Variants in COMMD10 observed in about 807,000 individuals in gnomAD.
COMMD10 encodes the protein COMM domain containing 10.
A neutral mutation model predicts 28.9 loss-of-function variants in COMMD10; 33 were observed. That is an observed-to-expected ratio of 1.14 (90% CI 0.87 to 1.53). The LOEUF is 1.53. Ranked by LOEUF, COMMD10 falls within the 40% of genes most tolerant of loss-of-function variation. The pLI is 0.00. For synonymous variants in COMMD10, 110 were observed against 81.7 expected, an observed-to-expected ratio of 1.35 and a Z score of -1.87; for missense variants, 310 against 233.4, an observed-to-expected ratio of 1.33 and a Z score of -2.14.
At chr5:116,200,149 A>G (rs186059838) in intron 5 of COMMD10, among the ~76,000 whole-genome samples, 3 of 152,168 alleles carry the variant, frequency 2.0e-5, no homozygotes, top group Non-Finnish European at 2.9e-5. Flanking sequence ...TTATTTTAAA[A>G]TGCACAATTA....
At chr5:116,254,518 A>G (rs1291588683) in intron 5 of COMMD10, among the ~76,000 whole-genome samples, 1 of 151,076 alleles carries the variant, frequency 6.6e-6, no homozygotes, top group Non-Finnish European at 1.5e-5. Context: ...TGTTGGTTTC[A>G]AAGAACATCT....
chr5:116,093,346 G>A (rs776589489), intron 4 of COMMD10, among the ~76,000 whole-genome samples: 1 of 152,196 alleles, frequency 6.6e-6, no homozygotes, highest in Non-Finnish European at 1.5e-5. Flanking sequence ...CAGTAGAGAA[G>A]TGACCGGAAA....
intron 5 of COMMD10, among the ~76,000 whole-genome samples, chr5:116,275,045 C>T (rs376186988): frequency 1.3e-5 from 2 of 151,790 alleles, no homozygotes; most frequent in African/African-American, 2.4e-5. Context: ...ACCTCTATTT[C>T]ATCCCCAAGA....
intron 5 of COMMD10, among the ~76,000 whole-genome samples, chr5:116,193,083 G>C (rs898574953): frequency 3.3e-5 from 5 of 152,170 alleles, no homozygotes; most frequent in Non-Finnish European, 5.9e-5. Flanking sequence ...ATAAAGGAAA[G>C]ATAGTCTTTT....
chr5:116,251,794 C>T (rs1243015779), intron 5 of COMMD10, among the ~76,000 whole-genome samples: 6 of 151,376 alleles, frequency 4.0e-5, no homozygotes, highest in South Asian at 2.1e-4. Context: ...TTTATAGTCC[C>T]TTGGGTATAT....
At chr5:116,242,452 C>T (rs1326648553) in intron 5 of COMMD10, among the ~76,000 whole-genome samples, 1 of 152,164 alleles carries the variant, frequency 6.6e-6, no homozygotes, top group Non-Finnish European at 1.5e-5. Flanking sequence ...AGGAAATCCT[C>T]TCAGCAACCC....
chr5:116,120,241 G>C (rs1009597715), intron 4 of COMMD10, among the ~76,000 whole-genome samples: 1 of 152,268 alleles, frequency 6.6e-6, no homozygotes, highest in East Asian at 1.9e-4. Flanking sequence ...TCTAAATGAA[G>C]TAATTCAGGA....
intron 5 of COMMD10, among the ~76,000 whole-genome samples, chr5:116,278,740 A>G (rs961470744): frequency 6.6e-6 from 1 of 151,850 alleles, no homozygotes; most frequent in Non-Finnish European, 1.5e-5. Flanking sequence ...ATAAAACACA[A>G]AAGCATTTGC....
intron 4 of COMMD10, among the ~76,000 whole-genome samples, chr5:116,094,720 C>G (rs1015174468): frequency 2.6e-5 from 4 of 152,066 alleles, no homozygotes; most frequent in Admixed American, 6.6e-5. Context: ...TATTTGTACC[C>G]CTGTGTTTGT....
intron 5 of COMMD10, among the ~76,000 whole-genome samples, chr5:116,253,954 G>A (rs1012299630): frequency 6.6e-6 from 1 of 151,886 alleles, no homozygotes; most frequent in African/African-American, 2.4e-5. Context: ...GTAAGCTATT[G>A]ATTATTGCCA....
Position 116,107,629 on chromosome 5 carries a change from G to A in COMMD10, c.399+14929G>A, listed in dbSNP as rs142128108. Among the ~76,000 whole-genome samples the A allele has an allele frequency of 7.0e-3, 1,069 of 152,078 alleles. 12 individuals are homozygous for A. The highest frequency in any genetic ancestry group is 6.5e-3 in the Non-Finnish European group (441 of 68,006). On this transcript the variant is annotated intron_variant, in intron 4 of 6. Transcript: ENST00000274458. ...TTTCTTGCATTGGGTTAGAACATGC[G>A]CCTTTAGCTTGGAGGAGTTTGTTAT...
intron 5 of COMMD10, among the ~76,000 whole-genome samples, chr5:116,251,266 T>TTTTATTTATTTA (rs139799729): frequency 4.9e-4 from 68 of 138,172 alleles, no homozygotes; most frequent in African/African-American, 1.8e-3. Context: ...ACTCTTTTCT[T>TTTTATTTATTTA]TTTATTTATT....
At chr5:116,144,800 T>C (rs192699871) in intron 5 of COMMD10, among the ~76,000 whole-genome samples, 41 of 151,930 alleles carry the variant, frequency 2.7e-4, no homozygotes, top group Non-Finnish European at 4.7e-4. Flanking sequence ...AGAGTGGAAG[T>C]AGTGATACAG....
intron 5 of COMMD10, among the ~76,000 whole-genome samples, chr5:116,178,232 T>C (rs1747804808): frequency 6.6e-6 from 1 of 152,122 alleles, no homozygotes; most frequent in African/African-American, 2.4e-5. Context: ...CTTCTTTTAT[T>C]CTCATTAGTA....
Position 116,246,642 on chromosome 5 carries a change from C to T in COMMD10, c.511-44875C>T, listed in dbSNP as rs186808336. Among the ~76,000 whole-genome samples the T allele has an allele frequency of 4.3e-4, 66 of 152,090 alleles. 1 individual carries two copies. Among genetic ancestry groups the T allele is most frequent in the Admixed American group, 1.8e-3 (28 of 15,254 alleles). Reference sequence around the variant, plus strand: ...CATGGTATTAGTACAAAAAAAGACACATAGCCTAATGGAACAGAATAGAGA... The same window carrying T: ...CATGGTATTAGTACAAAAAAAGACATATAGCCTAATGGAACAGAATAGAGA... On this transcript the variant is annotated intron_variant, in intron 5 of 6. Coordinates refer to ENST00000274458, the MANE Select transcript of COMMD10 (RefSeq NM_016144.4).
chr5:116,286,873 T>C (rs1751232566), intron 5 of COMMD10, among the ~76,000 whole-genome samples: 1 of 151,808 alleles, frequency 6.6e-6, no homozygotes, highest in African/African-American at 2.4e-5. Flanking sequence ...TTAGGTCTAA[T>C]TGGTCTATAA....
chr5:116,085,827 C>G (rs142935772), intron 1 of COMMD10, among the ~76,000 whole-genome samples: 11 of 152,266 alleles, frequency 7.2e-5, no homozygotes, highest in African/African-American at 2.4e-4. Flanking sequence ...GAAGTAATTT[C>G]TTTGTGCTTG....
intron 5 of COMMD10, among the ~76,000 whole-genome samples, chr5:116,180,707 T>C (rs1482287031): frequency 1.3e-5 from 2 of 152,076 alleles, no homozygotes; most frequent in African/African-American, 2.4e-5. Flanking sequence ...TAAAAAAATA[T>C]ATTCTTAAAA....
intron 5 of COMMD10, among the ~76,000 whole-genome samples, chr5:116,165,226 C>G (rs763020886): frequency 1.9e-4 from 29 of 152,120 alleles, no homozygotes; most frequent in African/African-American, 5.8e-4. Flanking sequence ...TGGTGAAAAG[C>G]ATACCTCAGG....
Sources: allele counts gnomAD v4.1 joint callset (sites outside exome capture counted in the v4.1 genomes callset), GRCh38; gene constraint gnomAD v4.1.1; transcripts MANE v1.5; gene names NCBI Gene and HGNC (gene_info 2026-07-23, HGNC 2026-07-21).